Variants in MORC1 observed in about 807,000 individuals in gnomAD.
MORC1 encodes the protein MORC family CW-type zinc finger protein 1.
Under a neutral mutation model 134.9 loss-of-function variants are expected in MORC1, and 59 were observed. That is an observed-to-expected ratio of 0.44 (90% CI 0.35 to 0.54). MORC1 has a LOEUF of 0.54. Ranked by LOEUF, MORC1 falls within the 20% of genes least tolerant of loss-of-function variation. The probability of loss-of-function intolerance (pLI) is 0.00; values close to 1 mark genes in which losing one functional copy is unlikely to be tolerated. For synonymous variants in MORC1, 395 were observed against 391.7 expected (o/e 1.01, Z -0.10); for missense variants, 947 against 1,134.5 (o/e 0.83, Z 2.37).
chr3:109,001,627 C>T (rs1948406767), intron 20 of MORC1, among the ~76,000 whole-genome samples: 1 of 152,178 alleles, frequency 6.6e-6, no homozygotes, highest in African/African-American at 2.4e-5. Context: ...CTGGTTTCTT[C>T]TCTTACTGCT....
chr3:108,982,480 T>C (rs1195833038), intron 23 of MORC1, among the ~76,000 whole-genome samples: 1 of 146,276 alleles, frequency 6.8e-6, no homozygotes, highest in African/African-American at 2.6e-5. Flanking sequence ...CTATTCACAA[T>C]AGCAAAAAAA....
chr3:109,104,866 A>AACACAC (rs5851642), intron 3 of MORC1, among the ~76,000 whole-genome samples: 6,817 of 149,232 alleles, frequency 0.046, 379 homozygotes, highest in African/African-American at 0.13. Context: ...GACAAATTTT[A>AACACAC]ACACACACAC....
intron 17 of MORC1, among the ~76,000 whole-genome samples, chr3:109,008,778 G>A (rs990204677): frequency 1.3e-5 from 2 of 151,906 alleles, no homozygotes; most frequent in African/African-American, 4.8e-5. Context: ...ACTCTGAACA[G>A]TGGCAAAATT....
chr3:108,963,142 T>A (rs1348743587), intron 27 of MORC1, among the ~76,000 whole-genome samples: 1 of 145,986 alleles, frequency 6.8e-6, no homozygotes, highest in Non-Finnish European at 1.5e-5. Context: ...TGAGCCAAGG[T>A]CGCGCCACTG....
chr3:109,080,933 ATTTATTTCACATAAGTGG>A (rs1950508961), intron 8 of MORC1, among the ~76,000 whole-genome samples: 1 of 152,164 alleles, frequency 6.6e-6, no homozygotes, highest in Admixed American at 6.5e-5. Context: ...TATAGTACTG[ATTTATTTCACATAAGTGG>A]AAAAGGCTGA....
intron 14 of MORC1, among the ~76,000 whole-genome samples, chr3:109,050,737 T>G (rs1238837791): frequency 6.6e-6 from 1 of 152,226 alleles, no homozygotes; most frequent in African/African-American, 2.4e-5. Flanking sequence ...AAGATTTATG[T>G]ATTTTTTTAA....
chr3:109,035,195 C>A, intron 15 of MORC1, 145 bp downstream of exon 15: 1 of 654,192 alleles, frequency 1.5e-6, no homozygotes, highest in Non-Finnish European at 2.5e-6. Context: ...ATTATTTTCA[C>A]ACTTATAACT....
intron 8 of MORC1, among the ~76,000 whole-genome samples, chr3:109,091,770 A>T (rs984103640): frequency 6.6e-6 from 1 of 152,308 alleles, no homozygotes; most frequent in African/African-American, 2.4e-5. Context: ...TTGTGATTAA[A>T]CTAAAAAAAA....
intron 14 of MORC1, among the ~76,000 whole-genome samples, chr3:109,044,279 G>GAA (rs550310876): frequency 6.8e-6 from 1 of 147,462 alleles, no homozygotes; most frequent in East Asian, 2.0e-4. Context: ...AGCACCTGGG[G>GAA]AAAAAAAAAA....
intron 21 of MORC1, among the ~76,000 whole-genome samples, chr3:108,993,792 C>A (rs1368076340): frequency 1.3e-5 from 2 of 152,030 alleles, no homozygotes; most frequent in Non-Finnish European, 2.9e-5. Flanking sequence ...TTTTGTTTTT[C>A]TTTTTTATCT....
At chr3:109,089,894 C>T (rs1403716777) in intron 8 of MORC1, among the ~76,000 whole-genome samples, 2 of 152,044 alleles carry the variant, frequency 1.3e-5, no homozygotes, top group Non-Finnish European at 2.9e-5. Flanking sequence ...TCAGAAAACA[C>T]TGCCTAAGTT....
At chr3:109,090,636 A>AC (rs1559946327) in intron 8 of MORC1, among the ~76,000 whole-genome samples, 2 of 151,168 alleles carry the variant, frequency 1.3e-5, no homozygotes, top group Non-Finnish European at 1.5e-5. Flanking sequence ...AAAAAAAAAA[A>AC]AAAAAACACG....
chr3:109,080,254 C>A (rs1413246969), intron 8 of MORC1, among the ~76,000 whole-genome samples: 1 of 152,104 alleles, frequency 6.6e-6, no homozygotes, highest in African/African-American at 2.4e-5. Flanking sequence ...CAAGGAGGAG[C>A]AAGTCACGTC....
At chr3:109,059,538 C>T (rs1224115392) in intron 12 of MORC1, among the ~76,000 whole-genome samples, 1 of 152,062 alleles carries the variant, frequency 6.6e-6, no homozygotes, top group African/African-American at 2.4e-5. Context: ...TCATCTAGCC[C>T]AATTAAATGC....
chr3:109,055,685 C>G (rs1286023847), intron 13 of MORC1, among the ~76,000 whole-genome samples: 2 of 152,210 alleles, frequency 1.3e-5, no homozygotes, highest in African/African-American at 4.8e-5. Flanking sequence ...TTCATTCATT[C>G]AAGCTCAGCA....
intron 25 of MORC1, among the ~76,000 whole-genome samples, chr3:108,970,216 T>C (rs1576578664): frequency 1.3e-5 from 2 of 151,782 alleles, no homozygotes; most frequent in African/African-American, 2.4e-5. Context: ...CATGCCAACA[T>C]TGAGAAACCG....
intron 23 of MORC1, among the ~76,000 whole-genome samples, chr3:108,984,420 T>G (rs1947838777): frequency 6.6e-6 from 1 of 152,052 alleles, no homozygotes; most frequent in Non-Finnish European, 1.5e-5. Flanking sequence ...ACCTTATATA[T>G]GTGTGACATT....
chr3:109,030,763 G>A (rs1949223346), intron 16 of MORC1, among the ~76,000 whole-genome samples: 1 of 152,126 alleles, frequency 6.6e-6, no homozygotes, highest in Non-Finnish European at 1.5e-5. Flanking sequence ...AAATCAATAA[G>A]ATCTTGTATT....
intron 15 of MORC1, among the ~76,000 whole-genome samples, chr3:109,033,559 C>G (rs1949296673): frequency 6.6e-6 from 1 of 152,152 alleles, no homozygotes; most frequent in Non-Finnish European, 1.5e-5. Context: ...TAGGTTAACA[C>G]TTGTCCCTTT....
Sources: gnomAD v4.1 joint callset for allele counts (sites outside exome capture counted in the v4.1 genomes callset) on GRCh38, gnomAD v4.1.1 for gene constraint, MANE v1.5 for transcripts, NCBI Gene and HGNC (gene_info 2026-07-23, HGNC 2026-07-21) for gene names.